Variants in ZNF721 observed in about 807,000 individuals in gnomAD.
ZNF721 encodes the protein zinc finger protein 721.
ZNF721 carries 2 observed loss-of-function variants against 2.4 expected under a neutral mutation model. The ratio of observed to expected loss-of-function variants is 0.82; its 90% confidence interval spans 0.34 to 2.58. ZNF721 has a LOEUF of 2.58. ZNF721 is among the 30% of genes most tolerant of loss of function. The pLI, the probability that ZNF721 is intolerant of heterozygous loss-of-function variation, is 0.11. For synonymous variants in ZNF721, 398 were observed against 381.8 expected (o/e 1.04, Z -0.50); for missense variants, 1,187 against 1,085.5 (o/e 1.09, Z -1.31).
rs782451328 is a variant in ZNF721 at position 442,665 on chromosome 4, T to C, written c.1802A>G (p.Asn601Ser). The C allele has an allele frequency of 3.7e-5, 60 of 1,613,792 alleles. No homozygotes were observed. Among genetic ancestry groups the C allele is most frequent in the Non-Finnish European group, 4.8e-5 (57 of 1,179,922 alleles). The change falls in exon 3 of 3, where the codon AAT (asparagine) becomes AGT (serine). Residue 601 changes from asparagine (N) to serine (S), a missense_variant. Physicochemically the swap from Asn to Ser is conservative, Grantham distance 46 (BLOSUM62 1). Transcript: ENST00000511833. The part of the protein sequence containing the change: ...GKAFGRYTDL[N>S]QHKKIHTGEK... ...TCCAGTATGAATTTTCTTGTGTTGA[T>C]TCAGGTCTGTGTACCGTCCAAAGGC...
intron 1 of ZNF721, among the ~76,000 whole-genome samples, chr4:473,476 G>C (rs880000931): frequency 4.6e-5 from 7 of 152,158 alleles, no homozygotes; most frequent in South Asian, 2.1e-4. Flanking sequence ...GGAAAGTTGG[G>C]GCGGGCTGGT....
chr4:475,186 C>CAA (rs1258307451), intron 1 of ZNF721, among the ~76,000 whole-genome samples: 1 of 138,316 alleles, frequency 7.2e-6, no homozygotes, highest in African/African-American at 2.6e-5. Context: ...GACTCCGTCT[C>CAA]AAAAAAAAAA....
chr4:449,106 CTGAG>C (rs1714569162), intron 2 of ZNF721, among the ~76,000 whole-genome samples: 1 of 152,016 alleles, frequency 6.6e-6, no homozygotes. Context: ...TTAATGTGTA[CTGAG>C]TGTTAGCTTT....
At chr4:485,001 T>G (rs1553870055) in intron 1 of ZNF721, among the ~76,000 whole-genome samples, 1 of 152,124 alleles carries the variant, frequency 6.6e-6, no homozygotes, top group Non-Finnish European at 1.5e-5. Flanking sequence ...AAAATTTCTC[T>G]CTTTTGTACT....
intron 2 of ZNF721, among the ~76,000 whole-genome samples, chr4:458,014 G>T (rs1714897743): frequency 6.6e-6 from 1 of 152,176 alleles, no homozygotes; most frequent in Non-Finnish European, 1.5e-5. Flanking sequence ...CTATGAATCA[G>T]TTCCACACCC....
At chr4:493,278 C>T (rs1413635999) in intron 1 of ZNF721, among the ~76,000 whole-genome samples, 1 of 151,858 alleles carries the variant, frequency 6.6e-6, no homozygotes, top group Non-Finnish European at 1.5e-5. Context: ...TTGGGAGGAA[C>T]TTAGTTTATA....
Position 443,053 on chromosome 4 carries a change from G to A in ZNF721, c.1414C>T (p.Pro472Ser). ...KHEKIHTGKK[P>S]YKCKQCGKVI... ...TTGCCACATTGCTTACATTTGTAGG[G>A]TTTCTTTCCAGTATGAATTTTCTCA... The change falls in exon 3 of 3, where the codon CCC (proline) becomes TCC (serine). Residue 472 changes from proline to serine, a missense_variant. By Grantham distance (74) the Pro-to-Ser change is moderately conservative. Coordinates refer to ENST00000511833, the MANE Select transcript of ZNF721 (RefSeq NM_133474.4). 1 of 1,613,866 alleles carries A rather than the reference G, an allele frequency of 6.2e-7. No individual in the cohort carries two copies. The highest frequency in any genetic ancestry group is 8.5e-7 in the Non-Finnish European group (1 of 1,179,802).
intron 2 of ZNF721, among the ~76,000 whole-genome samples, chr4:457,693 A>T (rs982599): frequency 1.3e-5 from 2 of 151,844 alleles, no homozygotes; most frequent in Non-Finnish European, 2.9e-5. Context: ...CTGGATGTAG[A>T]CTTGCCAATA....
At chr4:474,465 C>T (rs1715572938) in intron 1 of ZNF721, among the ~76,000 whole-genome samples, 1 of 152,142 alleles carries the variant, frequency 6.6e-6, no homozygotes. Context: ...CACACTTGTT[C>T]ACAAATGGAA....
chr4:446,397 T>G (rs77626440), intron 2 of ZNF721, among the ~76,000 whole-genome samples: 1 of 151,162 alleles, frequency 6.6e-6, no homozygotes, highest in East Asian at 1.9e-4. Context: ...TTTTTTTTTT[T>G]TGAGACAGAG....
chr4:452,799 T>C (rs782534885), intron 2 of ZNF721, among the ~76,000 whole-genome samples: 1 of 152,176 alleles, frequency 6.6e-6, no homozygotes. Context: ...GCTTCAACCA[T>C]GAGGTCTTTA....
chr4:454,728 C>T (rs1714792825), intron 2 of ZNF721, among the ~76,000 whole-genome samples: 2 of 152,198 alleles, frequency 1.3e-5, no homozygotes, highest in South Asian at 4.1e-4. Context: ...TAAATTTGAA[C>T]TCAATTGAAC....
Position 472,604 on chromosome 4 carries a change from A to G in ZNF721, c.5T>C (p.Leu2Ser), listed in dbSNP as rs1362167459. Residue 2 changes from leucine to serine, a missense_variant, in exon 2 of 3, where the codon TTG (leucine) becomes TCG (serine). Coordinates refer to ENST00000511833, the MANE Select transcript of ZNF721 (RefSeq NM_133474.4). M[L>S]ENYRNLVSLA... is the part of the protein sequence containing the mutation. ...GGAGACCAGGTTTCTGTAGTTCTCCAACATCACATCTCTATACAAATTCTG... is the reference window on the plus strand; with the variant it reads ...GGAGACCAGGTTTCTGTAGTTCTCCGACATCACATCTCTATACAAATTCTG... 1.9e-6 allele frequency: 3 copies of G among 1,613,766 alleles called. No homozygotes were observed. Among genetic ancestry groups the G allele is most frequent in the East Asian group, 4.5e-5 (2 of 44,886 alleles).
chr4:474,203 G>T (rs1715562915), intron 1 of ZNF721: 2 of 419,532 alleles, frequency 4.8e-6, no homozygotes, highest in African/African-American at 2.1e-5. Context: ...GCGCCTGATT[G>T]GGCAGTTCTC....
At chr4:466,531 A>T (rs1715256513) in intron 2 of ZNF721, among the ~76,000 whole-genome samples, 2 of 152,214 alleles carry the variant, frequency 1.3e-5, no homozygotes, top group Non-Finnish European at 2.9e-5. Flanking sequence ...TTGATAGTGT[A>T]GTTTTCTAAA....
rs1553863531 is a variant in ZNF721 at position 443,040 on chromosome 4, T to C, written c.1427A>G (p.Lys476Arg). Residue 476 changes from lysine to arginine, a missense_variant, in exon 3 of 3, where the codon AAG becomes AGG. Coordinates refer to ENST00000511833, the MANE Select transcript of ZNF721 (RefSeq NM_133474.4). ...IHTGKKPYKC[K>R]QCGKVITSSS... ...TGAGGTAATGACTTTGCCACATTGC[T>C]TACATTTGTAGGGTTTCTTTCCAGT... is the stretch of plus-strand genomic sequence containing the variant. The C allele has an allele frequency of 6.2e-7, 1 of 1,613,848 alleles. No homozygotes were observed. Among genetic ancestry groups the C allele is most frequent in the Non-Finnish European group, 8.5e-7 (1 of 1,179,774 alleles).
intron 1 of ZNF721, among the ~76,000 whole-genome samples, chr4:492,093 G>A (rs1339260093): frequency 6.6e-6 from 1 of 151,676 alleles, no homozygotes; most frequent in African/African-American, 2.4e-5. Context: ...AACCAAGGAG[G>A]CAGAGCTTGC....
At chr4:462,884 A>C (rs1199414882) in intron 2 of ZNF721, among the ~76,000 whole-genome samples, 1 of 152,216 alleles carries the variant, frequency 6.6e-6, no homozygotes, top group East Asian at 1.9e-4. Context: ...AATGGCAACA[A>C]AAGCCAAAAT....
At chr4:476,972 A>G (rs1459586704) in intron 1 of ZNF721, among the ~76,000 whole-genome samples, 1 of 152,086 alleles carries the variant, frequency 6.6e-6, no homozygotes, top group Non-Finnish European at 1.5e-5. Context: ...ACCTGGTTCC[A>G]ATTCTCATGG....
Sources: allele counts gnomAD v4.1 joint callset (sites outside exome capture counted in the v4.1 genomes callset), GRCh38; gene constraint gnomAD v4.1.1; transcripts MANE v1.5; gene names NCBI Gene and HGNC (gene_info 2026-07-23, HGNC 2026-07-21).